Variants in PDK1 observed in about 807,000 individuals in gnomAD.
PDK1 encodes pyruvate dehydrogenase kinase 1.
In PDK1, 39 loss-of-function variants were observed where a neutral mutation model predicts 54.2. That is an observed-to-expected ratio of 0.72 (90% CI 0.56 to 0.94). The LOEUF is 0.94. PDK1 is among the 40% of genes least tolerant of loss of function. The pLI, the probability that PDK1 is intolerant of heterozygous loss-of-function variation, is 0.00. For synonymous variants in PDK1, 221 were observed against 207.1 expected, an observed-to-expected ratio of 1.07 and a Z score of -0.58; for missense variants, 552 against 566.0, an observed-to-expected ratio of 0.98 and a Z score of 0.25.
the PDK1 span, among the ~76,000 whole-genome samples, chr2:172,665,435 T>C: frequency 6.6e-6 from 1 of 152,224 alleles, no homozygotes; most frequent in Non-Finnish European, 1.5e-5. Context: ...TGAGGACTTA[T>C]TATTCTCTTT....
At chr2:172,570,348 AT>A (rs1689177624) in intron 7 of PDK1, among the ~76,000 whole-genome samples, 1 of 152,210 alleles carries the variant, frequency 6.6e-6, no homozygotes, top group East Asian at 1.9e-4. Context: ...CTTTAAAGAA[AT>A]TTATGACAGT....
rs1432963119 is a variant in PDK1 at position 172,556,175 on chromosome 2, G to A, written c.25G>A (p.Gly9Arg). The change falls in exon 1 of 11, where the codon GGA (glycine) becomes AGA (arginine). Residue 9 changes from glycine to arginine, a missense_variant. By Grantham distance (125) the Gly-to-Arg change is moderately radical. Transcript: ENST00000282077. MRLARLLR[G>R]AALAGPGPGL... ...CATGAGGCTGGCGCGGCTGCTTCGCGGAGCCGCCTTGGCCGGCCCGGGCCC... is the reference window on the plus strand; with the variant it reads ...CATGAGGCTGGCGCGGCTGCTTCGCAGAGCCGCCTTGGCCGGCCCGGGCCC... The A allele has an allele frequency of 2.1e-6, 3 of 1,417,706 alleles. No homozygotes were observed. The highest frequency in any genetic ancestry group is 3.2e-5 in the Admixed American group (1 of 31,526). The allele number at this position is 1,417,706 out of a possible 1,614,324, so 87.8% of individuals were successfully genotyped here.
In PDK1 at chr2:172,599,225, C is replaced by T. The variant is rs1691030478; in HGVS notation, c.*3256C>T. 6.6e-6 allele frequency: 1 copy of T among 150,604 alleles called. No homozygotes were observed. Among genetic ancestry groups the T allele is most frequent in the East Asian group, 2.0e-4 (1 of 5,128 alleles). 9.3% of individuals were successfully genotyped at this position (150,604 alleles called of 1,614,324 possible). A position where few individuals can be genotyped will look rare whatever the true frequency, so the allele number is the denominator to read the frequency against. ...TGCTTGTACCAATTGAATGGCAGAA[C>T]TACTATAGTCAAAAATAAATTCCTA... On this transcript the variant is annotated 3_prime_UTR_variant, in exon 11 of 11. Coordinates refer to ENST00000282077, the MANE Select transcript of PDK1 (RefSeq NM_002610.5).
chr2:172,654,770 AT>A, the PDK1 span, among the ~76,000 whole-genome samples: 3 of 152,116 alleles, frequency 2.0e-5, no homozygotes, highest in South Asian at 4.2e-4. Context: ...AATAAAAAAA[AT>A]TTTTTTTAAT....
downstream of PDK1, among the ~76,000 whole-genome samples, chr2:172,612,696 C>G (rs1289076417): frequency 6.6e-6 from 1 of 151,730 alleles, no homozygotes; most frequent in Non-Finnish European, 1.5e-5. Context: ...GACGGAGTTT[C>G]ACTGTTAATT....
chr2:172,602,130 A>T lies in PDK1; in HGVS notation c.*6161A>T, dbSNP rs1313814599. 2.6e-5 allele frequency: 4 copies of T among 152,218 alleles called. No homozygotes were observed. The highest frequency in any genetic ancestry group is 5.9e-5 in the Non-Finnish European group (4 of 68,040). 9.4% of individuals were successfully genotyped at this position (152,218 alleles called of 1,614,324 possible). ...AGAAACTTTGAAATGAGAGAAAGCT[A>T]CCCAACCCATTTCAGAAAGTTAGTA... On this transcript the variant is annotated 3_prime_UTR_variant, in exon 11 of 11. Transcript: ENST00000282077.
chr2:172,696,523 G>C, the PDK1 span, among the ~76,000 whole-genome samples: 1 of 152,154 alleles, frequency 6.6e-6, no homozygotes, highest in Non-Finnish European at 1.5e-5. Flanking sequence ...TTTTGATTTA[G>C]CTGCTCTCAT....
chr2:172,709,339 AATAT>A, the PDK1 span, among the ~76,000 whole-genome samples: 1 of 152,146 alleles, frequency 6.6e-6, no homozygotes. Flanking sequence ...TATTCAGAGA[AATAT>A]ATATTCTTGT....
At chr2:172,673,934 T>C in the PDK1 span, among the ~76,000 whole-genome samples, 1 of 152,232 alleles carries the variant, frequency 6.6e-6, no homozygotes, top group Non-Finnish European at 1.5e-5. Flanking sequence ...TGGAGCATGG[T>C]AGGGGATTAA....
At chr2:172,641,532 C>T in the PDK1 span, among the ~76,000 whole-genome samples, 1 of 151,688 alleles carries the variant, frequency 6.6e-6, no homozygotes, top group Admixed American at 6.6e-5. Flanking sequence ...AGCTCTGCCT[C>T]CCGGGTTCAC....
At chr2:172,702,490 AAGAC>A in the PDK1 span, among the ~76,000 whole-genome samples, 1 of 148,258 alleles carries the variant, frequency 6.7e-6, no homozygotes, top group African/African-American at 2.5e-5. Flanking sequence ...AAAAAAAAAA[AAGAC>A]AGAGGGATTT....
rs1194599129 is a variant in PDK1, at chr2:172,605,129, T to C, written c.*9160T>C. On this transcript the variant is annotated 3_prime_UTR_variant, in exon 11 of 11. Transcript: ENST00000282077. ...AGTGACACACCTATATTACTCTCCT[T>C]GGCATCTTACCCCAGCCCATCCATT... 6.6e-6 allele frequency: 1 copy of C among 152,184 alleles called. No individual in the cohort carries two copies. Among genetic ancestry groups the C allele is most frequent in the African/African-American group, 2.4e-5 (1 of 41,418 alleles). The allele number at this position is 152,184 out of a possible 1,614,324, so 9.4% of individuals were successfully genotyped here. A position where few individuals can be genotyped will look rare whatever the true frequency, so the allele number is the denominator to read the frequency against.
In PDK1 at chr2:172,570,711, C is replaced by A. The variant is rs1177937044; in HGVS notation, c.847-15C>A. The A allele has an allele frequency of 2.1e-6, 3 of 1,446,400 alleles. No homozygotes were observed. The highest frequency in any genetic ancestry group is 2.9e-6 in the Non-Finnish European group (3 of 1,030,222). The allele number at this position is 1,446,400 out of a possible 1,614,324, so 89.6% of individuals were successfully genotyped here. On this transcript the variant is annotated splice_polypyrimidine_tract_variant and intron_variant, in intron 7 of 10. Coordinates refer to ENST00000282077, the MANE Select transcript of PDK1 (RefSeq NM_002610.5). Reference sequence around the variant, plus strand: ...TAAAAAGCTGTATTTTTAATACAACCCTAATGTATTTCAGAATGCAATGAG... The same window carrying A: ...TAAAAAGCTGTATTTTTAATACAACACTAATGTATTTCAGAATGCAATGAG...
chr2:172,568,741 CA>C lies in PDK1; in HGVS notation c.774del (p.Lys258AsnfsTer28). On this transcript the variant is annotated frameshift_variant and splice_region_variant, in exon 7 of 11. Transcript: ENST00000282077. LOFTEE classifies it high-confidence loss of function. The part of the protein sequence containing the change: ...SPELELEELN[A>X]KSPGQPIQVV... Reference sequence around the variant, plus strand: ...CATATTTTTCTCTTCTGCTCTGTAGCAAAATCACCAGGACAGCCAATACAAG... The same window carrying C: ...CATATTTTTCTCTTCTGCTCTGTAGCAAATCACCAGGACAGCCAATACAAG... 6.3e-7 allele frequency: 1 copy of C among 1,594,520 alleles called. No individual in the cohort carries two copies. Among genetic ancestry groups the C allele is most frequent in the Non-Finnish European group, 8.6e-7 (1 of 1,162,118 alleles).
intron 8 of PDK1, 91 bp downstream of exon 8, chr2:172,570,915 G>T (rs1366324910): frequency 2.9e-6 from 2 of 701,184 alleles, no homozygotes; most frequent in Non-Finnish European, 2.4e-6. Flanking sequence ...ATTTCTAAAA[G>T]ACATAATCTA....
At chr2:172,697,716 A>G in the PDK1 span, among the ~76,000 whole-genome samples, 2 of 152,338 alleles carry the variant, frequency 1.3e-5, no homozygotes, top group East Asian at 3.9e-4. Flanking sequence ...TAATATTTCA[A>G]TTACACGTAT....
At chr2:172,652,793 A>G in the PDK1 span, among the ~76,000 whole-genome samples, 1 of 152,192 alleles carries the variant, frequency 6.6e-6, no homozygotes, top group Non-Finnish European at 1.5e-5. Flanking sequence ...AAGGAGAACT[A>G]CAAACCACTG....
At chr2:172,578,859 C>G (rs886269680) in intron 8 of PDK1, among the ~76,000 whole-genome samples, 1 of 151,950 alleles carries the variant, frequency 6.6e-6, no homozygotes, top group Non-Finnish European at 1.5e-5. Context: ...TCCTCAAATA[C>G]CTGGAATCAG....
At chr2:172,644,894 C>T in the PDK1 span, among the ~76,000 whole-genome samples, 1 of 152,160 alleles carries the variant, frequency 6.6e-6, no homozygotes, top group Non-Finnish European at 1.5e-5. Context: ...TGCTGTATGA[C>T]CCTAAACAAA....
Sources: gnomAD v4.1 joint callset for allele counts (sites outside exome capture counted in the v4.1 genomes callset) on GRCh38, gnomAD v4.1.1 for gene constraint, MANE v1.5 for transcripts, NCBI Gene and HGNC (gene_info 2026-07-23, HGNC 2026-07-21) for gene names.